Variants in BORCS5 observed in about 807,000 individuals in gnomAD.
The protein encoded by BORCS5 is BLOC-1 related complex subunit 5.
A neutral mutation model predicts 22.1 loss-of-function variants in BORCS5; 17 were observed. That is an observed-to-expected ratio of 0.77 (90% CI 0.53 to 1.15). The LOEUF (loss-of-function observed/expected upper bound fraction) is 1.15. BORCS5 is among the 50% of genes most tolerant of loss of function. BORCS5 has a pLI of 0.00. For synonymous variants in BORCS5, 117 were observed against 99.8 expected (o/e 1.17, Z -1.03); for missense variants, 247 against 253.2 (o/e 0.98, Z 0.17).
In BORCS5 at chr12:12,465,556, C is replaced by T; in HGVS notation, c.371C>T (p.Ser124Phe). The change falls in exon 4 of 4, where the codon TCT (serine) becomes TTT (phenylalanine). Residue 124 changes from serine to phenylalanine, a missense_variant. By Grantham distance (155) the Ser-to-Phe change is radical (BLOSUM62 -2). Transcript: ENST00000314565. The stretch of plus-strand genomic sequence containing the variant: ...CTTTCCCATCCACAGATGGATCTGT[C>T]TGTAGAAACTCTGTTCAGCTTCATG... ...LVKRIKEMDLSVETLFSFMQE... is the reference protein window; with the variant it reads ...LVKRIKEMDLFVETLFSFMQE... The T allele has an allele frequency of 1.2e-6, 2 of 1,614,190 alleles. No individual in the cohort carries two copies. Among genetic ancestry groups the T allele is most frequent in the Non-Finnish European group, 1.7e-6 (2 of 1,179,996 alleles).
chr12:12,407,891 G>T (rs1941629692), intron 2 of BORCS5, among the ~76,000 whole-genome samples: 1 of 151,812 alleles, frequency 6.6e-6, no homozygotes, highest in Admixed American at 6.6e-5. Flanking sequence ...TGTATATTTT[G>T]TAGAGACGGG....
intron 2 of BORCS5, among the ~76,000 whole-genome samples, chr12:12,384,529 GAAC>G (rs1863840395): frequency 6.7e-6 from 1 of 149,884 alleles, no homozygotes; most frequent in Non-Finnish European, 1.5e-5. Flanking sequence ...TTTTTGTTAA[GAAC>G]TGGGCATTTT....
At chr12:12,428,388 T>G (rs573163258) in intron 2 of BORCS5, among the ~76,000 whole-genome samples, 1 of 152,360 alleles carries the variant, frequency 6.6e-6, no homozygotes, top group South Asian at 2.1e-4. Context: ...ATATTCAGTC[T>G]TGGTCTTCAC....
chr12:12,427,727 G>A (rs10772563), intron 2 of BORCS5, among the ~76,000 whole-genome samples: 87,890 of 151,982 alleles, frequency 0.58, 25,875 homozygotes, highest in African/African-American at 0.64. Flanking sequence ...CCAAGGTCAA[G>A]GTGCCGGCAG....
At position 12,357,445 on chromosome 12, in the gene BORCS5, C is replaced by T; in HGVS notation, c.-7C>T. The T allele has an allele frequency of 6.2e-7, 1 of 1,606,400 alleles. No homozygotes were observed. Among genetic ancestry groups the T allele is most frequent in the Non-Finnish European group, 8.5e-7 (1 of 1,174,032 alleles). ...GCCGTTCTTCTGCTGCCACCGCTGT[C>T]GGCACCATGGGCAGTGAGCAGAGCT... On this transcript the variant is annotated 5_prime_UTR_variant, in exon 1 of 4. Transcript: ENST00000314565.
At chr12:12,416,990 C>T (rs1012076457) in intron 2 of BORCS5, among the ~76,000 whole-genome samples, 3 of 151,132 alleles carry the variant, frequency 2.0e-5, no homozygotes, top group African/African-American at 7.3e-5. Context: ...GGTGTTTCAC[C>T]ATGTTGGCCA....
chr12:12,396,606 AG>A (rs1941353390), intron 2 of BORCS5, among the ~76,000 whole-genome samples: 1 of 151,522 alleles, frequency 6.6e-6, no homozygotes, highest in Admixed American at 6.6e-5. Context: ...TGTTTTCTAG[AG>A]GGTACGCTAA....
chr12:12,400,162 T>C (rs1175298683), intron 2 of BORCS5, among the ~76,000 whole-genome samples: 1 of 152,224 alleles, frequency 6.6e-6, no homozygotes, highest in Non-Finnish European at 1.5e-5. Flanking sequence ...TTTGAAAACA[T>C]TCAGTTGCAT....
At chr12:12,359,224 T>A (rs1863219123) in intron 1 of BORCS5, among the ~76,000 whole-genome samples, 1 of 152,160 alleles carries the variant, frequency 6.6e-6, no homozygotes, top group African/African-American at 2.4e-5. Flanking sequence ...AGAATGGACT[T>A]ACTGGCTATT....
chr12:12,408,500 G>C (rs1941642589), intron 2 of BORCS5, among the ~76,000 whole-genome samples: 1 of 152,166 alleles, frequency 6.6e-6, no homozygotes, highest in African/African-American at 2.4e-5. Flanking sequence ...TCCATTTCCT[G>C]AATGTTTTTC....
intron 2 of BORCS5, among the ~76,000 whole-genome samples, chr12:12,414,500 GGGGCGGCC>G (rs2136092808): frequency 1.3e-5 from 1 of 77,360 alleles, no homozygotes; most frequent in African/African-American, 6.9e-5. Flanking sequence ...CTTCCCAGTA[GGGGCGGCC>G]GGGCAGAGGA....
intron 2 of BORCS5, among the ~76,000 whole-genome samples, chr12:12,423,556 T>G (rs76970984): frequency 6.7e-6 from 1 of 148,860 alleles, no homozygotes; most frequent in Non-Finnish European, 1.5e-5. Flanking sequence ...TTGTTTTTTG[T>G]TTTTTTTTCT....
chr12:12,465,550 A>T lies in BORCS5; in HGVS notation c.365A>T (p.Asp122Val). 1 of 1,614,156 alleles carries T rather than the reference A, an allele frequency of 6.2e-7. No homozygotes were observed. Residue 122 changes from aspartate to valine, a missense_variant, in exon 4 of 4, where the codon GAT (aspartate) becomes GTT (valine). Coordinates refer to ENST00000314565, the MANE Select transcript of BORCS5 (RefSeq NM_058169.6). ...ACTTCTCTTTCCCATCCACAGATGG[A>T]TCTGTCTGTAGAAACTCTGTTCAGC... Reference protein sequence around the residue: ...NALVKRIKEMDLSVETLFSFM... With the variant: ...NALVKRIKEMVLSVETLFSFM...
Position 12,363,958 on chromosome 12 carries a change from T to C in BORCS5, c.202+2609T>C, listed in dbSNP as rs1450278040. Among the ~76,000 whole-genome samples the C allele has an allele frequency of 3.3e-5, 5 of 152,184 alleles. No homozygotes were observed. In the East Asian group the frequency reaches 9.6e-4, roughly 29 times the overall value. Reference sequence around the variant, plus strand: ...AGCCAAAACTTAACTACTAATAGCCTTCTGTTTACTAGAGGCCTTACTGAT... The same window carrying C: ...AGCCAAAACTTAACTACTAATAGCCCTCTGTTTACTAGAGGCCTTACTGAT... On this transcript the variant is annotated intron_variant, in intron 2 of 3. Coordinates refer to ENST00000314565, the MANE Select transcript of BORCS5 (RefSeq NM_058169.6).
intron 2 of BORCS5, among the ~76,000 whole-genome samples, chr12:12,396,317 C>A (rs1022236224): frequency 1.3e-5 from 2 of 152,200 alleles, no homozygotes; most frequent in East Asian, 1.9e-4. Flanking sequence ...GGCCTTGTGG[C>A]CTTGCAAAAC....
At chr12:12,386,925 A>C (rs936953568) in intron 2 of BORCS5, among the ~76,000 whole-genome samples, 1 of 150,872 alleles carries the variant, frequency 6.6e-6, no homozygotes, top group Non-Finnish European at 1.5e-5. Context: ...GTGCAGTGGC[A>C]CAATCATAGC....
chr12:12,370,971 G>A (rs1257916897), intron 2 of BORCS5, among the ~76,000 whole-genome samples: 3 of 152,036 alleles, frequency 2.0e-5, no homozygotes, highest in Non-Finnish European at 4.4e-5. Context: ...GGGTGGTCTC[G>A]ATCTCCTGAC....
chr12:12,363,384 G>C (rs1229481207), intron 2 of BORCS5, among the ~76,000 whole-genome samples: 1 of 151,950 alleles, frequency 6.6e-6, no homozygotes, highest in Non-Finnish European at 1.5e-5. Flanking sequence ...TGGATCACCT[G>C]AGGTTAGGAG....
At chr12:12,391,923 G>A (rs1422714122) in intron 2 of BORCS5, among the ~76,000 whole-genome samples, 2 of 140,344 alleles carry the variant, frequency 1.4e-5, no homozygotes, top group East Asian at 2.2e-4. Flanking sequence ...GTTTGCTCCT[G>A]TAGTCCCAGC....
Sources: gnomAD v4.1 joint callset for allele counts (sites outside exome capture counted in the v4.1 genomes callset) on GRCh38, gnomAD v4.1.1 for gene constraint, MANE v1.5 for transcripts, NCBI Gene and HGNC (gene_info 2026-07-23, HGNC 2026-07-21) for gene names.